ERC2: variants seen among roughly 807,000 people sequenced by gnomAD.
The protein encoded by ERC2 is ERC protein 2.
Under a neutral mutation model 114.8 loss-of-function variants are expected in ERC2, and 42 were observed. That is an observed-to-expected ratio of 0.37 (90% CI 0.29 to 0.47). ERC2 has a LOEUF of 0.47. Ranked by LOEUF, ERC2 falls within the 20% of genes least tolerant of loss-of-function variation. ERC2 has a pLI of 0.99. For missense variants in ERC2, 939 were observed against 1,150.7 expected (o/e 0.82, Z 2.66); for synonymous variants, 454 against 425.5 (o/e 1.07, Z -0.82).
At chr3:55,612,122 A>T (rs1412040850) in intron 17 of ERC2, among the ~76,000 whole-genome samples, 3 of 152,230 alleles carry the variant, frequency 2.0e-5, no homozygotes, top group African/African-American at 7.2e-5. Context: ...ATAAAAGAGA[A>T]GTGCAGCACA....
intron 14 of ERC2, among the ~76,000 whole-genome samples, chr3:55,873,202 G>A (rs1029236078): frequency 1.3e-5 from 2 of 152,130 alleles, no homozygotes; most frequent in African/African-American, 4.8e-5. Context: ...TGCAGAGTGG[G>A]CAGGAAGAAA....
chr3:56,421,412 T>C (rs1173517424), intron 2 of ERC2, among the ~76,000 whole-genome samples: 1 of 152,216 alleles, frequency 6.6e-6, no homozygotes, highest in East Asian at 1.9e-4. Context: ...TCCATAGCTC[T>C]GCTGAGGGGG....
chr3:55,998,948 CCAACAG>C (rs1184910291), intron 10 of ERC2, among the ~76,000 whole-genome samples: 4 of 152,122 alleles, frequency 2.6e-5, no homozygotes, highest in Non-Finnish European at 4.4e-5. Flanking sequence ...TGTGCCCTGG[CCAACAG>C]CAAGGTTGCA....
intron 17 of ERC2, among the ~76,000 whole-genome samples, chr3:55,650,996 C>T (rs546659141): frequency 7.9e-5 from 12 of 151,152 alleles, no homozygotes; most frequent in South Asian, 2.1e-4. Flanking sequence ...TACAGGCATC[C>T]GCCATCACAC....
chr3:56,051,422 G>C (rs2075758842), intron 7 of ERC2, among the ~76,000 whole-genome samples: 1 of 152,150 alleles, frequency 6.6e-6, no homozygotes, highest in African/African-American at 2.4e-5. Context: ...GAAAAAAAGG[G>C]GGTGGGAGTG....
At chr3:56,315,496 T>C (rs1338108645) in intron 2 of ERC2, among the ~76,000 whole-genome samples, 1 of 152,236 alleles carries the variant, frequency 6.6e-6, no homozygotes, top group Non-Finnish European at 1.5e-5. Context: ...TTTTATTGTA[T>C]CTGGATAATT....
intron 16 of ERC2, among the ~76,000 whole-genome samples, chr3:55,685,135 T>G (rs2062259600): frequency 6.6e-6 from 1 of 152,234 alleles, no homozygotes; most frequent in Admixed American, 6.5e-5. Flanking sequence ...TTATTTCCTT[T>G]GTATTTCTAT....
At chr3:56,372,867 G>C (rs1050241862) in intron 2 of ERC2, among the ~76,000 whole-genome samples, 3 of 152,176 alleles carry the variant, frequency 2.0e-5, no homozygotes, top group East Asian at 3.8e-4. Flanking sequence ...ACCCATATTT[G>C]ACTGACCACC....
chr3:56,099,573 T>C (rs1018970166), intron 6 of ERC2, among the ~76,000 whole-genome samples: 1 of 151,584 alleles, frequency 6.6e-6, no homozygotes. Flanking sequence ...GGTCCAAGAG[T>C]CTCCATCAAT....
At chr3:55,599,816 T>C (rs1207803991) in intron 17 of ERC2, among the ~76,000 whole-genome samples, 2 of 152,228 alleles carry the variant, frequency 1.3e-5, no homozygotes, top group African/African-American at 4.8e-5. Context: ...ATCTTTAAAA[T>C]TGAGTCTTGT....
At chr3:56,204,948 G>GTA (rs1306740032) in intron 3 of ERC2, among the ~76,000 whole-genome samples, 2 of 151,502 alleles carry the variant, frequency 1.3e-5, no homozygotes, top group East Asian at 3.9e-4. Context: ...GTGTGTGTGT[G>GTA]TGTGTATGTC....
intron 14 of ERC2, among the ~76,000 whole-genome samples, chr3:55,789,336 C>T (rs1559656770): frequency 6.6e-6 from 1 of 152,188 alleles, no homozygotes; most frequent in Admixed American, 6.5e-5. Flanking sequence ...TTCTAAGTGG[C>T]CAGAGATGCT....
intron 5 of ERC2, among the ~76,000 whole-genome samples, chr3:56,140,348 T>C (rs1185877616): frequency 6.6e-6 from 1 of 152,208 alleles, no homozygotes; most frequent in East Asian, 1.9e-4. Flanking sequence ...TGCTTGTCTT[T>C]TAGGCTGATC....
At chr3:55,646,401 T>C (rs1024274188) in intron 17 of ERC2, among the ~76,000 whole-genome samples, 2 of 152,238 alleles carry the variant, frequency 1.3e-5, no homozygotes, top group African/African-American at 2.4e-5. Context: ...GCAAAACATT[T>C]ACAGAGCATC....
intron 12 of ERC2, among the ~76,000 whole-genome samples, chr3:55,977,687 A>G (rs1295696550): frequency 1.3e-5 from 2 of 152,238 alleles, no homozygotes; most frequent in Non-Finnish European, 2.9e-5. Flanking sequence ...TAGAAAAATT[A>G]TAAGCATAGT....
intron 2 of ERC2, among the ~76,000 whole-genome samples, chr3:56,422,238 T>A (rs186406144): frequency 1.3e-5 from 2 of 152,288 alleles, no homozygotes; most frequent in East Asian, 1.9e-4. Flanking sequence ...TGAAGTCCAA[T>A]AACCCAAAGT....
At chr3:55,668,393 AC>A (rs2061435634) in intron 17 of ERC2, among the ~76,000 whole-genome samples, 1 of 152,202 alleles carries the variant, frequency 6.6e-6, no homozygotes, top group Non-Finnish European at 1.5e-5. Context: ...AAATGGGGCA[AC>A]CTAAGACCCA....
Position 56,080,868 on chromosome 3 carries a change from C to T in ERC2, c.1590G>A (p.Met530Ile), listed in dbSNP as rs746216863. The T allele has an allele frequency of 1.2e-6, 2 of 1,613,756 alleles. No individual in the cohort carries two copies. The highest frequency in any genetic ancestry group is 1.7e-6 in the Non-Finnish European group (2 of 1,179,754). Residue 530 changes from methionine (M) to isoleucine (I), a missense_variant, in exon 7 of 18, where the codon ATG (methionine) becomes ATA (isoleucine). Physicochemically the swap from Met to Ile is conservative, Grantham distance 10. Around this residue, in one of 5 missense-constraint regions of ERC2, gnomAD observed 149 missense variants for 254.6 expected, o/e 0.59. Coordinates refer to ENST00000288221, the MANE Select transcript of ERC2 (RefSeq NM_015576.3). ...KGTLAGEIRD[M>I]KDMLEVKERK... ...TTTCCTTCACTTCTAACATATCTTT[C>T]ATGTCACGAATTTCACCGGCCAGTG...
At chr3:56,197,091 C>T (rs1235052569) in intron 3 of ERC2, among the ~76,000 whole-genome samples, 2 of 152,132 alleles carry the variant, frequency 1.3e-5, no homozygotes, top group Non-Finnish European at 2.9e-5. Context: ...TGGCTTTGCA[C>T]ATGCCTGAGA....
Sources: gnomAD v4.1 joint callset for allele counts (sites outside exome capture counted in the v4.1 genomes callset) on GRCh38, gnomAD v4.1.1 for gene constraint, gnomAD v4.1.1 regional missense constraint, MANE v1.5 for transcripts, NCBI Gene and HGNC (gene_info 2026-07-23, HGNC 2026-07-21) for gene names.